The following THSD4 variants were observed in gnomAD, a reference collection of about 807,000 sequenced individuals.
THSD4 encodes thrombospondin type-1 domain-containing protein 4.
Under a neutral mutation model 119.0 loss-of-function variants are expected in THSD4, and 69 were observed. The ratio of observed to expected loss-of-function variants is 0.58; its 90% CI spans 0.48 to 0.71. The LOEUF (loss-of-function observed/expected upper bound fraction) is 0.71. Among genes scored for constraint, THSD4 ranks in the 30% least tolerant of loss-of-function variants. The pLI, the probability that THSD4 is intolerant of heterozygous loss-of-function variation, is 0.00. For missense variants in THSD4, 1,393 were observed against 1,391.1 expected (o/e 1.00, Z -0.02); for synonymous variants, 524 against 540.4 (o/e 0.97, Z 0.42).
intron 3 of THSD4, chr15:71,165,348 C>G (rs2043285737): frequency 2.0e-6 from 3 of 1,475,310 alleles, no homozygotes; most frequent in Non-Finnish European, 2.8e-6. Context: ...ATGCTCCTCC[C>G]GACGTTTGCA....
intron 4 of THSD4, among the ~76,000 whole-genome samples, chr15:71,230,298 C>T (rs926753189): frequency 6.6e-6 from 1 of 152,168 alleles, no homozygotes; most frequent in African/African-American, 2.4e-5. Context: ...TAAGAGGGCT[C>T]CTCTTAGTTA....
intron 3 of THSD4, chr15:71,165,484 C>T (rs867802831): frequency 1.7e-5 from 21 of 1,249,646 alleles, no homozygotes; most frequent in South Asian, 9.3e-5. Context: ...CTTGCCCTGG[C>T]GCTGTCTCTG....
At chr15:71,684,502 T>C (rs1470427402) in intron 8 of THSD4, among the ~76,000 whole-genome samples, 1 of 145,850 alleles carries the variant, frequency 6.9e-6, no homozygotes, top group Admixed American at 6.8e-5. Context: ...GAAAGTCTAT[T>C]TCTAATCTTG....
At chr15:71,249,152 T>A (rs1318986223) in intron 5 of THSD4, among the ~76,000 whole-genome samples, 1 of 152,034 alleles carries the variant, frequency 6.6e-6, no homozygotes, top group Non-Finnish European at 1.5e-5. Context: ...TATATGTGAA[T>A]CACACACATA....
At chr15:71,395,954 A>ACACACACACACACAC (rs1566968379) in intron 6 of THSD4, among the ~76,000 whole-genome samples, 1 of 108,562 alleles carries the variant, frequency 9.2e-6, no homozygotes, top group Non-Finnish European at 2.1e-5. Flanking sequence ...CACACACACA[A>ACACACACACACACAC]ACACAGACTT....
intron 8 of THSD4, among the ~76,000 whole-genome samples, chr15:71,694,145 T>C (rs35804012): frequency 4.6e-5 from 7 of 152,226 alleles, no homozygotes; most frequent in African/African-American, 7.2e-5. Context: ...GAAATGGTCT[T>C]GGTCAGATCC....
At chr15:71,518,486 G>A (rs2048392749) in intron 7 of THSD4, among the ~76,000 whole-genome samples, 1 of 152,170 alleles carries the variant, frequency 6.6e-6, no homozygotes, top group Admixed American at 6.6e-5. Flanking sequence ...CTGAAAAAGA[G>A]AAAGAGATCC....
chr15:71,591,664 T>C (rs933807126), intron 7 of THSD4, among the ~76,000 whole-genome samples: 1 of 151,606 alleles, frequency 6.6e-6, no homozygotes, highest in Non-Finnish European at 1.5e-5. Flanking sequence ...TGAGGCCCAG[T>C]GTAACCTTCT....
chr15:71,453,700 A>G (rs2047298063), intron 7 of THSD4, among the ~76,000 whole-genome samples: 1 of 152,180 alleles, frequency 6.6e-6, no homozygotes, highest in African/African-American at 2.4e-5. Flanking sequence ...GTATCCAGAC[A>G]CTGAGGGATG....
chr15:71,582,724 A>C (rs2049583970), intron 7 of THSD4, among the ~76,000 whole-genome samples: 1 of 152,144 alleles, frequency 6.6e-6, no homozygotes, highest in Non-Finnish European at 1.5e-5. Flanking sequence ...TTTCTACATC[A>C]GTTGAGAGGA....
At chr15:71,639,668 A>G (rs1311397028) in intron 7 of THSD4, among the ~76,000 whole-genome samples, 1 of 152,198 alleles carries the variant, frequency 6.6e-6, no homozygotes. Flanking sequence ...ATTATGATTT[A>G]AATATGTTAA....
intron 8 of THSD4, among the ~76,000 whole-genome samples, chr15:71,726,891 C>T (rs1222202817): frequency 6.6e-6 from 1 of 151,540 alleles, no homozygotes. Flanking sequence ...GAGACGAGAT[C>T]GCACCATTGC....
chr15:71,553,988 G>A (rs77972514), intron 7 of THSD4, among the ~76,000 whole-genome samples: 51,968 of 151,640 alleles, frequency 0.34, 10,581 homozygotes, highest in South Asian at 0.48. Flanking sequence ...TATTGTGCTA[G>A]ACCAGGGTTT....
intron 6 of THSD4, among the ~76,000 whole-genome samples, chr15:71,382,191 C>A (rs369394922): frequency 2.0e-5 from 3 of 151,986 alleles, no homozygotes; most frequent in African/African-American, 7.2e-5. Flanking sequence ...TAATCAAAGA[C>A]CTAAGAAAGA....
chr15:71,411,417 G>A (rs191751569), intron 6 of THSD4, among the ~76,000 whole-genome samples: 31 of 152,282 alleles, frequency 2.0e-4, no homozygotes, highest in African/African-American at 7.5e-4. Flanking sequence ...TCTAGGGGGA[G>A]TGAGGAATTG....
rs574520952 is a variant in THSD4, at chr15:71,642,404, G to A, written c.1153-18126G>A. 6.9e-3 allele frequency among the ~76,000 whole-genome samples: 1,043 copies of A among 152,142 alleles called. 7 individuals are homozygous for A. The highest frequency in any genetic ancestry group is 9.1e-3 in the Non-Finnish European group (622 of 68,008). ...GAAGTCAGTGTGGCGATTCCTCAGG[G>A]ATCTAGAACTAGAAATACCATTTGA... is the stretch of plus-strand genomic sequence containing the variant. On this transcript the variant is annotated intron_variant, in intron 7 of 17. Coordinates refer to ENST00000261862, the MANE Select transcript of THSD4 (RefSeq NM_024817.3).
At chr15:71,442,666 A>ATG (rs1247659643) in intron 7 of THSD4, among the ~76,000 whole-genome samples, 1 of 30,792 alleles carries the variant, frequency 3.2e-5, no homozygotes, top group African/African-American at 1.3e-4. Flanking sequence ...GTGTGTATAT[A>ATG]TATATATATA....
At chr15:71,319,256 T>C (rs1264999720) in intron 6 of THSD4, among the ~76,000 whole-genome samples, 1 of 152,186 alleles carries the variant, frequency 6.6e-6, no homozygotes, top group African/African-American at 2.4e-5. Context: ...ATTATTATTA[T>C]TATACTTTAA....
intron 7 of THSD4, among the ~76,000 whole-genome samples, chr15:71,584,111 C>T (rs1323946059): frequency 6.6e-6 from 1 of 151,940 alleles, no homozygotes; most frequent in African/African-American, 2.4e-5. Flanking sequence ...ATTATATTCT[C>T]TTGATGATTC....
Sources: allele counts gnomAD v4.1 joint callset (sites outside exome capture counted in the v4.1 genomes callset), GRCh38; gene constraint gnomAD v4.1.1; transcripts MANE v1.5; gene names NCBI Gene and HGNC (gene_info 2026-07-23, HGNC 2026-07-21).